The following XRCC4 variants were observed in gnomAD, a reference collection of about 807,000 sequenced individuals.
XRCC4 encodes DNA repair protein XRCC4.
XRCC4 carries 28 observed loss-of-function variants against 39.1 expected under a neutral mutation model. That is an observed-to-expected ratio of 0.72 (90% CI 0.53 to 0.98). The LOEUF is 0.98. Ranked by LOEUF, XRCC4 falls within the 50% of genes least tolerant of loss-of-function variation. The probability of loss-of-function intolerance (pLI) is 0.00; values close to 1 mark genes in which losing one functional copy is unlikely to be tolerated. For missense variants in XRCC4, 350 were observed against 376.4 expected, an observed-to-expected ratio of 0.93 and a Z score of 0.58; for synonymous variants, 123 against 126.4, an observed-to-expected ratio of 0.97 and a Z score of 0.18.
At chr5:83,084,138 C>A (rs1038120706) in intron 1 of XRCC4, among the ~76,000 whole-genome samples, 45 of 152,156 alleles carry the variant, frequency 3.0e-4, no homozygotes, top group Admixed American at 1.3e-4. Flanking sequence ...AGCTATGAAG[C>A]ATAGTTTTGA....
intron 3 of XRCC4, among the ~76,000 whole-genome samples, chr5:83,123,432 A>G (rs2112451026): frequency 6.6e-6 from 1 of 152,006 alleles, no homozygotes; most frequent in East Asian, 1.9e-4. Context: ...TATGTAAATT[A>G]GATTTCTTTT....
chr5:83,277,560 GGTTACA>G (rs1318118532), intron 7 of XRCC4, among the ~76,000 whole-genome samples: 90 of 152,240 alleles, frequency 5.9e-4, no homozygotes, highest in African/African-American at 2.1e-3. Context: ...CCAACTGATG[GGTTACA>G]GAGACATCTA....
downstream of XRCC4, among the ~76,000 whole-genome samples, chr5:83,355,271 C>T (rs980889429): frequency 1.3e-5 from 2 of 152,142 alleles, no homozygotes; most frequent in African/African-American, 4.8e-5. Context: ...CTCCCAGTCA[C>T]TCTCTGTCCC....
chr5:83,139,119 A>G (rs565695144), intron 3 of XRCC4, among the ~76,000 whole-genome samples: 1 of 152,154 alleles, frequency 6.6e-6, no homozygotes, highest in Admixed American at 6.5e-5. Flanking sequence ...CTTGTCTAGC[A>G]TACAATCCAG....
rs185310654 is a variant in XRCC4, at chr5:83,327,236, C to T, written c.894-25895C>T. On this transcript the variant is annotated intron_variant, in intron 7 of 7. Transcript: ENST00000396027. ...ACACCCAGCCCTGGCAACTGCTGAC[C>T]TGATTTCTATCTCAAGAGTCTTGCC... Among the ~76,000 whole-genome samples, 95 of 152,130 alleles carry T rather than the reference C, an allele frequency of 6.2e-4. No individual in the cohort carries two copies. The East Asian group carries it at 0.016, about 26-fold the overall frequency.
chr5:83,374,105 C>A, the XRCC4 span, among the ~76,000 whole-genome samples: 3 of 152,170 alleles, frequency 2.0e-5, no homozygotes, highest in Non-Finnish European at 4.4e-5. Flanking sequence ...ATTCATCACC[C>A]AGCATCCTGT....
At chr5:83,365,514 G>A in the XRCC4 span, among the ~76,000 whole-genome samples, 8 of 152,112 alleles carry the variant, frequency 5.3e-5, no homozygotes, top group African/African-American at 1.9e-4. Context: ...ATGGGAAAGC[G>A]TGATGTCTTT....
intron 7 of XRCC4, among the ~76,000 whole-genome samples, chr5:83,340,630 A>AAG (rs2112199045): frequency 6.6e-6 from 1 of 151,500 alleles, no homozygotes; most frequent in South Asian, 2.1e-4. Context: ...AAAAAAAAAA[A>AAG]CAACAAAACA....
the XRCC4 span, among the ~76,000 whole-genome samples, chr5:83,373,481 A>C: frequency 6.6e-6 from 1 of 152,196 alleles, no homozygotes; most frequent in Non-Finnish European, 1.5e-5. Context: ...GAACAATAGA[A>C]ATGCTCTTTT....
chr5:83,184,321 G>A (rs1487033713), intron 3 of XRCC4, among the ~76,000 whole-genome samples: 2 of 151,784 alleles, frequency 1.3e-5, no homozygotes, highest in East Asian at 3.9e-4. Context: ...AAGTTTTTAT[G>A]AAAATTTTTT....
chr5:83,117,663 GTGTGTGTGTGTATGTATGTA>G lies in XRCC4; in HGVS notation c.315+6462_315+6481del, dbSNP rs1273799741. The stretch of plus-strand genomic sequence containing the variant: ...TGTGTGTGTGTGTGTGTGTGTGTGT[GTGTGTGTGTGTATGTATGTA>G]TATGTATGTATATATAAACATTTTG... On this transcript the variant is annotated intron_variant, in intron 3 of 7. Coordinates refer to ENST00000396027, the MANE Select transcript of XRCC4 (RefSeq NM_003401.5). Among the ~76,000 whole-genome samples the G allele has an allele frequency of 1.0e-3, 139 of 139,312 alleles. 1 individual carries two copies. Among genetic ancestry groups the G allele is most frequent in the African/African-American group, 4.2e-3 (132 of 31,410 alleles). 91.4% of individuals were successfully genotyped at this position (139,312 alleles called of 152,430 possible). A position where few individuals can be genotyped will look rare whatever the true frequency, so the allele number is the denominator to read the frequency against.
intron 5 of XRCC4, among the ~76,000 whole-genome samples, chr5:83,204,082 G>C (rs995159082): frequency 1.3e-5 from 2 of 152,080 alleles, no homozygotes; most frequent in Non-Finnish European, 2.9e-5. Context: ...AGAATCAAGT[G>C]GTTAATATTA....
intron 3 of XRCC4, among the ~76,000 whole-genome samples, chr5:83,129,112 T>C (rs1185608757): frequency 6.6e-6 from 1 of 151,964 alleles, no homozygotes; most frequent in Non-Finnish European, 1.5e-5. Flanking sequence ...GTTTTAGGTC[T>C]AATGTTTAAG....
chr5:83,208,750 T>C (rs930939180), intron 6 of XRCC4, among the ~76,000 whole-genome samples: 1 of 152,054 alleles, frequency 6.6e-6, no homozygotes, highest in African/African-American at 2.4e-5. Flanking sequence ...AATATCACAG[T>C]CAATATCACC....
chr5:83,151,162 T>C (rs1748683925), intron 3 of XRCC4, among the ~76,000 whole-genome samples: 1 of 152,112 alleles, frequency 6.6e-6, no homozygotes, highest in Admixed American at 6.5e-5. Flanking sequence ...TGTATTTTGG[T>C]GTTAAAAAAT....
chr5:83,264,244 C>G (rs1212452257), intron 7 of XRCC4, among the ~76,000 whole-genome samples: 3 of 152,052 alleles, frequency 2.0e-5, no homozygotes, highest in Non-Finnish European at 4.4e-5. Flanking sequence ...GCTTCCAAAC[C>G]AAAGTGACTA....
chr5:83,312,699 C>T (rs1368887161), intron 7 of XRCC4, among the ~76,000 whole-genome samples: 1 of 152,026 alleles, frequency 6.6e-6, no homozygotes, highest in Non-Finnish European at 1.5e-5. Flanking sequence ...GAGGGAAATG[C>T]ATTTCTGGGT....
intron 3 of XRCC4, among the ~76,000 whole-genome samples, chr5:83,179,016 G>A (rs866221488): frequency 1.5e-4 from 23 of 152,024 alleles, no homozygotes; most frequent in African/African-American, 4.8e-4. Context: ...GGTTGATACC[G>A]GTTTACTCCA....
intron 1 of XRCC4, among the ~76,000 whole-genome samples, chr5:83,085,622 A>T (rs764619536): frequency 1.2e-4 from 18 of 152,302 alleles, no homozygotes; most frequent in South Asian, 6.2e-4. Context: ...CTATAAATTG[A>T]ATTTTAAAAA....
Sources: allele counts gnomAD v4.1 joint callset (sites outside exome capture counted in the v4.1 genomes callset), GRCh38; gene constraint gnomAD v4.1.1; transcripts MANE v1.5; gene names NCBI Gene and HGNC (gene_info 2026-07-23, HGNC 2026-07-21).